The following INTS10 variants were observed in gnomAD, a reference collection of about 807,000 sequenced individuals.
INTS10 encodes integrator complex subunit 10.
Under a neutral mutation model 94.4 loss-of-function variants are expected in INTS10, and 44 were observed. The observed-to-expected ratio is 0.47, with a 90% CI of 0.37 to 0.60. INTS10 has a LOEUF of 0.60. Among genes scored for constraint, INTS10 ranks in the 20% least tolerant of loss-of-function variants. The probability of loss-of-function intolerance (pLI) is 0.00; values close to 1 mark genes in which losing one functional copy is unlikely to be tolerated. For synonymous variants in INTS10, 341 were observed against 320.7 expected (o/e 1.06, Z -0.68); for missense variants, 797 against 868.7 (o/e 0.92, Z 1.04).
intron 8 of INTS10, among the ~76,000 whole-genome samples, chr8:19,825,209 G>C (rs1049713158): frequency 6.6e-6 from 1 of 152,190 alleles, no homozygotes; most frequent in African/African-American, 2.4e-5. Flanking sequence ...CAACTAAAAA[G>C]AGATATCAAA....
At chr8:19,845,632 G>A (rs953504077) in intron 15 of INTS10, 72 bp from the exon 16 acceptor site, 28 of 1,048,660 alleles carry the variant, frequency 2.7e-5, no homozygotes, top group East Asian at 7.2e-5. Flanking sequence ...CTCAACTGCC[G>A]AGACCCCATT....
In INTS10 at chr8:19,851,847, T is replaced by C. The variant is rs1346614101; in HGVS notation, c.*42T>C. 8.2e-6 allele frequency: 13 copies of C among 1,581,680 alleles called. No homozygotes were observed. Among genetic ancestry groups the C allele is most frequent in the Non-Finnish European group, 1.0e-5 (12 of 1,151,722 alleles). On this transcript the variant is annotated 3_prime_UTR_variant, in exon 17 of 17. Coordinates refer to ENST00000397977, the MANE Select transcript of INTS10 (RefSeq NM_018142.4). The surrounding 1 kb of genome is among the most constrained non-coding windows in gnomAD (Gnocchi z 5.0). ...CAGACACAGCTCGGGCCTGTGTAAT[T>C]GTAGGAGAAGACACTCAGCAGTGAT...
intron 13 of INTS10, chr8:19,842,084 G>A (rs59979174): frequency 0.016 from 3,687 of 227,106 alleles, 148 homozygotes; most frequent in African/African-American, 0.081. Context: ...TGCTTTGAAA[G>A]CTATTGCTTA....
chr8:19,833,145 T>C, intron 11 of INTS10, 24 bp from the exon 12 acceptor site: 3 of 1,507,980 alleles, frequency 2.0e-6, no homozygotes, highest in Non-Finnish European at 2.7e-6. Context: ...GCTTTTCCCC[T>C]CCTTGCTATT....
At position 19,830,539 on chromosome 8, in the gene INTS10, C is replaced by T. The variant is rs369022361; in HGVS notation, c.1274C>T (p.Ser425Phe). Residue 425 changes from serine (S) to phenylalanine (F), a missense_variant, in exon 10 of 17, where the codon TCC (serine) becomes TTC (phenylalanine). By Grantham distance (155) the Ser-to-Phe change is radical (BLOSUM62 -2). Coordinates refer to ENST00000397977, the MANE Select transcript of INTS10 (RefSeq NM_018142.4). ...LARESWELLY[S>F]LEFLDKEFTR... is the part of the protein sequence containing the mutation. The stretch of plus-strand genomic sequence containing the variant: ...AGGGAGAGCTGGGAGTTGCTCTATT[C>T]CCTAGAATTCCTTGACAAAGGTAAG... 2 of 1,612,376 alleles carry T rather than the reference C, an allele frequency of 1.2e-6. No homozygotes were observed. The highest frequency in any genetic ancestry group is 2.7e-5 in the African/African-American group (2 of 74,848).
intron 15 of INTS10, 196 bp from the exon 16 acceptor site, chr8:19,845,508 A>G: frequency 1.7e-6 from 1 of 586,304 alleles, no homozygotes; most frequent in South Asian, 2.0e-5. Context: ...GGGTTCAAAT[A>G]TGGAGTCTGC....
At chr8:19,828,350 C>T (rs541449051) in intron 9 of INTS10, among the ~76,000 whole-genome samples, 1 of 152,276 alleles carries the variant, frequency 6.6e-6, no homozygotes, top group South Asian at 2.1e-4. Flanking sequence ...TGGCCCACAT[C>T]AGTTCTCCAG....
intron 12 of INTS10, among the ~76,000 whole-genome samples, chr8:19,834,781 A>C (rs1026363016): frequency 6.6e-6 from 1 of 152,106 alleles, no homozygotes; most frequent in Non-Finnish European, 1.5e-5. Context: ...GCTATAACCA[A>C]ATACCATAAA....
Position 19,830,404 on chromosome 8 carries a change from A to G in INTS10, c.1141-2A>G. On this transcript the variant is annotated splice_acceptor_variant, in intron 9 of 16. Coordinates refer to ENST00000397977, the MANE Select transcript of INTS10 (RefSeq NM_018142.4). LOFTEE classifies it high-confidence loss of function. ...ACCATGTTCTCCACATTCTTTAAGC[A>G]GAGTTCAGACGATGAAGACTGTTCG... 1.2e-6 allele frequency: 2 copies of G among 1,611,104 alleles called. No homozygotes were observed. The highest frequency in any genetic ancestry group is 1.7e-6 in the Non-Finnish European group (2 of 1,178,900).
intron 9 of INTS10, among the ~76,000 whole-genome samples, chr8:19,828,200 G>C (rs1264857704): frequency 1.3e-5 from 2 of 152,170 alleles, no homozygotes; most frequent in African/African-American, 4.8e-5. Flanking sequence ...AACAGAGGGA[G>C]ACCCCGTCTA....
intron 9 of INTS10, among the ~76,000 whole-genome samples, chr8:19,828,828 ATTACAGGGG>A (rs1479455640): frequency 6.6e-6 from 1 of 151,466 alleles, no homozygotes; most frequent in Non-Finnish European, 1.5e-5. Context: ...AATTGCTGGG[ATTACAGGGG>A]TAAGCCACTA....
intron 13 of INTS10, among the ~76,000 whole-genome samples, chr8:19,839,772 A>G (rs966077589): frequency 6.6e-6 from 1 of 152,050 alleles, no homozygotes; most frequent in African/African-American, 2.4e-5. Context: ...AATCTCCACA[A>G]ATCCCCAAGG....
intron 13 of INTS10, 79 bp downstream of exon 13, chr8:19,837,239 A>G: frequency 1.1e-6 from 1 of 897,498 alleles, no homozygotes; most frequent in Non-Finnish European, 1.8e-6. Flanking sequence ...TTGTAATCTC[A>G]GCTACTCGGA....
intron 16 of INTS10, among the ~76,000 whole-genome samples, chr8:19,850,080 T>G (rs544328852): frequency 6.7e-6 from 1 of 148,842 alleles, no homozygotes; most frequent in African/African-American, 2.5e-5. Context: ...CTGAGATCAT[T>G]GCCACTGCAC....
intron 2 of INTS10, among the ~76,000 whole-genome samples, chr8:19,819,083 T>C (rs553336451): frequency 6.6e-6 from 1 of 152,220 alleles, no homozygotes; most frequent in Non-Finnish European, 1.5e-5. Context: ...TTACCACCAA[T>C]GGTGTATAAA....
rs529909210 is a variant in INTS10 at position 19,827,976 on chromosome 8, C to T, written c.1140+1417C>T. Among the ~76,000 whole-genome samples the T allele has an allele frequency of 9.2e-5, 14 of 151,512 alleles. No individual in the cohort carries two copies. In the East Asian group the frequency reaches 2.7e-3, roughly 29 times the overall value. On this transcript the variant is annotated intron_variant, in intron 9 of 16. Transcript: ENST00000397977. Reference sequence around the variant, plus strand: ...CCTGTAATCCCAGCACTTTGGGGGCCAAAAGAGGAGGATCACCAGCCCAGG... The same window carrying T: ...CCTGTAATCCCAGCACTTTGGGGGCTAAAAGAGGAGGATCACCAGCCCAGG...
At chr8:19,850,229 C>T (rs1224211898) in intron 16 of INTS10, among the ~76,000 whole-genome samples, 1 of 152,098 alleles carries the variant, frequency 6.6e-6, no homozygotes, top group East Asian at 1.9e-4. Context: ...GTCAGAGGGT[C>T]AGCTCCAGTT....
Position 19,817,830 on chromosome 8 carries a change from C to A in INTS10, c.129+164C>A, listed in dbSNP as rs138180156. On this transcript the variant is annotated intron_variant, in intron 1 of 16. Transcript: ENST00000397977. Reference sequence around the variant, plus strand: ...CTCCTCTCTCCCCTCCCATCCTACACCTTGCTCCTACACCTTTCACCCGCC... The same window carrying A: ...CTCCTCTCTCCCCTCCCATCCTACAACTTGCTCCTACACCTTTCACCCGCC... 2.0e-5 allele frequency among the ~76,000 whole-genome samples: 3 copies of A among 149,422 alleles called. No homozygotes were observed. The East Asian group carries it at 6.1e-4, about 30-fold the overall frequency.
rs1434303665 is a variant in INTS10, at chr8:19,830,272, C to A, written c.1141-134C>A. ...ATTTTCAAAGCTAAATTGTTAAATT[C>A]AAAAAAATTGTATGTATGTGGTATC... is the stretch of plus-strand genomic sequence containing the variant. On this transcript the variant is annotated intron_variant, in intron 9 of 16. Transcript: ENST00000397977. The A allele has an allele frequency of 4.4e-5, 28 of 631,014 alleles. No individual in the cohort carries two copies. In the South Asian group the frequency reaches 1.1e-3, roughly 25 times the overall value. The allele number at this position is 631,014 out of a possible 1,614,324, so 39.1% of individuals were successfully genotyped here.
Sources: gnomAD v4.1 joint callset for allele counts (sites outside exome capture counted in the v4.1 genomes callset) on GRCh38, gnomAD v4.1.1 for gene constraint, Gnocchi (gnomAD v3.1) non-coding constraint, MANE v1.5 for transcripts, NCBI Gene and HGNC (gene_info 2026-07-23, HGNC 2026-07-21) for gene names.